Variants in KIRREL3 observed in about 807,000 individuals in gnomAD.
KIRREL3 encodes the protein kirre like nephrin family adhesion molecule 3.
A neutral mutation model predicts 89.7 loss-of-function variants in KIRREL3; 36 were observed. The ratio of observed to expected loss-of-function variants is 0.40; its 90% CI spans 0.31 to 0.53. The LOEUF is 0.53. Among genes scored for constraint, KIRREL3 ranks in the 20% least tolerant of loss-of-function variants. KIRREL3 has a pLI of 0.49. For missense variants in KIRREL3, 864 were observed against 1,056.6 expected (o/e 0.82, Z 2.53); for synonymous variants, 445 against 441.4 (o/e 1.01, Z -0.10).
intron 1 of KIRREL3, among the ~76,000 whole-genome samples, chr11:126,577,397 T>A (rs182307287): frequency 6.6e-6 from 1 of 151,516 alleles, no homozygotes; most frequent in Non-Finnish European, 1.5e-5. Context: ...TTGGACAAAT[T>A]TGGGTCTGAT....
intron 1 of KIRREL3, among the ~76,000 whole-genome samples, chr11:126,727,350 C>T (rs1948430878): frequency 6.6e-6 from 1 of 152,214 alleles, no homozygotes; most frequent in African/African-American, 2.4e-5. Flanking sequence ...GGAAAGTGTT[C>T]CCCACCAGAA....
intron 1 of KIRREL3, among the ~76,000 whole-genome samples, chr11:126,701,314 C>T (rs1947304212): frequency 6.6e-6 from 1 of 152,152 alleles, no homozygotes; most frequent in Admixed American, 6.5e-5. Context: ...CATAAATCCC[C>T]AGCATCAACG....
chr11:126,813,944 A>G (rs757500345), intron 1 of KIRREL3, among the ~76,000 whole-genome samples: 20 of 152,218 alleles, frequency 1.3e-4, no homozygotes, highest in Admixed American at 2.6e-4. Flanking sequence ...GCTTCTGTAC[A>G]GCGAAAGAAA....
chr11:126,644,401 GAGA>G (rs1052562327), intron 1 of KIRREL3, among the ~76,000 whole-genome samples: 11 of 152,346 alleles, frequency 7.2e-5, no homozygotes, highest in Non-Finnish European at 8.8e-5. Flanking sequence ...AGTGAGGACA[GAGA>G]AGAACTTTGA....
intron 4 of KIRREL3, among the ~76,000 whole-genome samples, chr11:126,512,100 A>T (rs1311850259): frequency 6.6e-6 from 1 of 152,204 alleles, no homozygotes; most frequent in Non-Finnish European, 1.5e-5. Flanking sequence ...ATGAGGGGGA[A>T]TCAGTAGAGA....
intron 1 of KIRREL3, among the ~76,000 whole-genome samples, chr11:126,894,542 CAAAAAAAAAAAAA>C (rs10630231): frequency 1.1e-4 from 2 of 17,480 alleles, no homozygotes; most frequent in African/African-American, 5.0e-4. Context: ...GACCTCATCT[CAAAAAAAAAAAAA>C]AAAAAAAAAA....
intron 1 of KIRREL3, among the ~76,000 whole-genome samples, chr11:126,866,302 C>T (rs1457404283): frequency 6.6e-6 from 1 of 152,206 alleles, no homozygotes; most frequent in Non-Finnish European, 1.5e-5. Flanking sequence ...CCTGGCCTGG[C>T]CAGGCAGGGA....
chr11:126,721,106 C>G (rs892921667), intron 1 of KIRREL3, among the ~76,000 whole-genome samples: 1 of 152,206 alleles, frequency 6.6e-6, no homozygotes, highest in Non-Finnish European at 1.5e-5. Flanking sequence ...GAATGAGAAA[C>G]AACATGGTGA....
chr11:126,427,301 A>G lies in KIRREL3; in HGVS notation c.1807-1577T>C, dbSNP rs191697749. Among the ~76,000 whole-genome samples the G allele has an allele frequency of 1.7e-3, 255 of 152,344 alleles. No individual in the cohort carries two copies. Among genetic ancestry groups the G allele is most frequent in the Admixed American group, 3.0e-3 (46 of 15,300 alleles). On this transcript the variant is annotated intron_variant, in intron 15 of 16. Coordinates refer to ENST00000525144, the MANE Select transcript of KIRREL3 (RefSeq NM_032531.4). This position sits in a 1 kb window ranked among gnomAD's most constrained non-coding sequence, Gnocchi z 5.3. ...GGCCCCAGGGGAAATAGATGAGCGTAGACTCAGAAACATGACCTTTGCCCT... is the reference window on the plus strand; with the variant it reads ...GGCCCCAGGGGAAATAGATGAGCGTGGACTCAGAAACATGACCTTTGCCCT...
rs1950113122 is a variant in KIRREL3 at position 126,994,095 on chromosome 11, C to T, written c.55+6360G>A. 6.6e-6 allele frequency among the ~76,000 whole-genome samples: 1 copy of T among 151,976 alleles called. No individual in the cohort carries two copies. The highest frequency in any genetic ancestry group is 2.4e-5 in the African/African-American group (1 of 41,366). On this transcript the variant is annotated intron_variant, in intron 1 of 16. Coordinates refer to ENST00000525144, the MANE Select transcript of KIRREL3 (RefSeq NM_032531.4). The surrounding 1 kb of genome is among the most constrained non-coding windows in gnomAD (Gnocchi z 5.2). Reference sequence around the variant, plus strand: ...CTCAGATAAATCTACTTTGCTTTGCCTATGAAGACAGGCAAAGAGTAGGGT... The same window carrying T: ...CTCAGATAAATCTACTTTGCTTTGCTTATGAAGACAGGCAAAGAGTAGGGT...
rs934516321 is a variant in KIRREL3, at chr11:126,752,035, G to C, written c.56-189123C>G. ...TAGAGTTTAGAGTAAGAAAGAACTGGCTTCAAATTCCAGCTCTGCCTTGGT... is the reference window on the plus strand; with the variant it reads ...TAGAGTTTAGAGTAAGAAAGAACTGCCTTCAAATTCCAGCTCTGCCTTGGT... On this transcript the variant is annotated intron_variant, in intron 1 of 16. Transcript: ENST00000525144. This position sits in a 1 kb window ranked among gnomAD's most constrained non-coding sequence, Gnocchi z 4.8. Among the ~76,000 whole-genome samples, 9 of 152,160 alleles carry C rather than the reference G, an allele frequency of 5.9e-5. No homozygotes were observed. The highest frequency in any genetic ancestry group is 1.3e-4 in the Non-Finnish European group (9 of 68,022).
Position 126,471,470 on chromosome 11 carries a change from C to T in KIRREL3, c.591+1839G>A, listed in dbSNP as rs1956890217. Among the ~76,000 whole-genome samples, 1 of 152,024 alleles carries T rather than the reference C, an allele frequency of 6.6e-6. No homozygotes were observed. The highest frequency in any genetic ancestry group is 2.1e-4 in the South Asian group (1 of 4,818). On this transcript the variant is annotated intron_variant, in intron 5 of 16. Transcript: ENST00000525144. This position sits in a 1 kb window ranked among gnomAD's most constrained non-coding sequence, Gnocchi z 5.4. ...TCATAGTTCCCAGAGGAAGGGGAGG[C>T]CCCAGGGTCAGTTGGGGCTGGGGTG...
rs888506505 is a variant in KIRREL3, at chr11:126,664,627, C to A, written c.56-101715G>T. Among the ~76,000 whole-genome samples the A allele has an allele frequency of 1.3e-5, 2 of 152,186 alleles. No individual in the cohort carries two copies. Among genetic ancestry groups the A allele is most frequent in the Admixed American group, 1.3e-4 (2 of 15,288 alleles). ...CCCAGAGGATCACCATTGTTACCAG[C>A]TCCGATGTGCCCTTCCTGCATGCCA... On this transcript the variant is annotated intron_variant, in intron 1 of 16. Transcript: ENST00000525144. The surrounding 1 kb of genome is among the most constrained non-coding windows in gnomAD (Gnocchi z 5.4).
chr11:126,716,756 G>GT (rs373163279), intron 1 of KIRREL3, among the ~76,000 whole-genome samples: 2 of 131,424 alleles, frequency 1.5e-5, no homozygotes, highest in African/African-American at 6.3e-5. Flanking sequence ...GTTGGGGGGG[G>GT]GGGGAAGTGT....
At position 126,490,381 on chromosome 11, in the gene KIRREL3, C is replaced by T. The variant is rs751422403; in HGVS notation, c.434-16915G>A. Reference sequence around the variant, plus strand: ...AAGTATTCTTCAGCCTGGCCCTGTCCGTGAGCCAGGTTATTGGAAATAGAC... The same window carrying T: ...AAGTATTCTTCAGCCTGGCCCTGTCTGTGAGCCAGGTTATTGGAAATAGAC... On this transcript the variant is annotated intron_variant, in intron 4 of 16. Coordinates refer to ENST00000525144, the MANE Select transcript of KIRREL3 (RefSeq NM_032531.4). The surrounding 1 kb of genome is among the most constrained non-coding windows in gnomAD (Gnocchi z 4.2). Among the ~76,000 whole-genome samples, 43 of 151,948 alleles carry T rather than the reference C, an allele frequency of 2.8e-4. No homozygotes were observed. Among genetic ancestry groups the T allele is most frequent in the Non-Finnish European group, 5.1e-4 (35 of 68,000 alleles).
At chr11:126,749,489 C>T (rs1229899591) in intron 1 of KIRREL3, among the ~76,000 whole-genome samples, 1 of 152,128 alleles carries the variant, frequency 6.6e-6, no homozygotes, top group Non-Finnish European at 1.5e-5. Flanking sequence ...TGCTGAGAAC[C>T]AGAAAGATCG....
rs1037170923 is a variant in KIRREL3, at chr11:126,568,650, C to A, written c.56-5738G>T. Among the ~76,000 whole-genome samples the A allele has an allele frequency of 1.3e-5, 2 of 152,190 alleles. No homozygotes were observed. The highest frequency in any genetic ancestry group is 1.3e-4 in the Admixed American group (2 of 15,284). On this transcript the variant is annotated intron_variant, in intron 1 of 16. Transcript: ENST00000525144. This position sits in a 1 kb window ranked among gnomAD's most constrained non-coding sequence, Gnocchi z 4.6. ...CTCCAGCACTTACCAGTGAGCAACT[C>A]TTAGGCTTCTCTGAGCTTTGGTTTC...
chr11:126,516,260 C>G lies in KIRREL3; in HGVS notation c.433+5055G>C, dbSNP rs1056568933. Among the ~76,000 whole-genome samples the G allele has an allele frequency of 6.6e-6, 1 of 152,082 alleles. No individual in the cohort carries two copies. The highest frequency in any genetic ancestry group is 2.1e-4 in the South Asian group (1 of 4,808). On this transcript the variant is annotated intron_variant, in intron 4 of 16. Coordinates refer to ENST00000525144, the MANE Select transcript of KIRREL3 (RefSeq NM_032531.4). This position sits in a 1 kb window ranked among gnomAD's most constrained non-coding sequence, Gnocchi z 4.9. ...GAAGCTTTATTTCTAACGGGAGCCA[C>G]AAGACAGCAGAGTTAATATTAGAAC...
At chr11:126,437,540 CACACA>C (rs367958601) in intron 11 of KIRREL3, among the ~76,000 whole-genome samples, 173 of 152,092 alleles carry the variant, frequency 1.1e-3, no homozygotes, top group African/African-American at 3.2e-3. Flanking sequence ...CACACCAAAG[CACACA>C]ACACATCACA....
Sources: gnomAD v4.1 joint callset for allele counts (sites outside exome capture counted in the v4.1 genomes callset) on GRCh38, gnomAD v4.1.1 for gene constraint, Gnocchi (gnomAD v3.1) non-coding constraint, MANE v1.5 for transcripts, NCBI Gene and HGNC (gene_info 2026-07-23, HGNC 2026-07-21) for gene names.